Variants in RPS17 observed in about 807,000 individuals in gnomAD.
The protein encoded by RPS17 is small ribosomal subunit protein eS17.
For synonymous variants in RPS17, 75 were observed against 65.6 expected, an observed-to-expected ratio of 1.14 and a Z score of -0.70; for missense variants, 68 against 182.3, an observed-to-expected ratio of 0.37 and a Z score of 3.61.
At chr15:82,538,512 T>C in intron 3 of RPS17, 141 bp from the exon 4 acceptor site, 1 of 917,620 alleles carries the variant, frequency 1.1e-6, no homozygotes, top group South Asian at 1.4e-5. Context: ...AGCAGTCTCT[T>C]ACAGTATTAC....
chr15:82,538,046 T>A, intron 4 of RPS17: 1 of 535,064 alleles, frequency 1.9e-6, no homozygotes, highest in South Asian at 1.5e-5. Flanking sequence ...AAGCCAGCTA[T>A]AAAACCAAGA....
chr15:82,539,903 G>C (rs1288983728), intron 2 of RPS17, 78 bp downstream of exon 2: 1 of 1,608,782 alleles, frequency 6.2e-7, no homozygotes, highest in Non-Finnish European at 8.5e-7. Context: ...CCAAGGCACC[G>C]TCTCTTCCCG....
chr15:82,540,328 C>G, intron 1 of RPS17, 98 bp downstream of exon 1: 1 of 1,580,328 alleles, frequency 6.3e-7, no homozygotes, highest in Non-Finnish European at 8.6e-7. Context: ...GGGCTCTGCG[C>G]CTTCCCGGCC....
At chr15:82,537,171 A>G (rs900672485) in intron 4 of RPS17, 39 of 512,918 alleles carry the variant, frequency 7.6e-5, no homozygotes, top group Non-Finnish European at 1.4e-4. Flanking sequence ...AATCACTCTA[A>G]AACACCGTTT....
intron 4 of RPS17, chr15:82,537,757 T>C: frequency 2.3e-6 from 1 of 427,414 alleles, no homozygotes; most frequent in Admixed American, 2.6e-5. Flanking sequence ...CTTAAACATT[T>C]AATGACCATA....
chr15:82,539,496 T>C, intron 2 of RPS17: 1 of 458,150 alleles, frequency 2.2e-6, no homozygotes, highest in South Asian at 1.5e-5. Flanking sequence ...GAGACCAGCC[T>C]GGTCAACATT....
intron 2 of RPS17, 173 bp downstream of exon 2, chr15:82,539,808 G>A (rs2034312442): frequency 3.4e-6 from 4 of 1,193,098 alleles, no homozygotes; most frequent in African/African-American, 3.0e-5. Context: ...TCATGACACA[G>A]GCCTAAGTTC....
Position 82,540,244 on chromosome 15 carries a change from G to T in RPS17, c.4-112C>A, listed in dbSNP as rs1005915150. 5.0e-6 allele frequency: 8 copies of T among 1,607,780 alleles called. No individual in the cohort carries two copies. The African/African-American group carries it at 1.1e-4, about 22-fold the overall frequency. On this transcript the variant is annotated intron_variant, in intron 1 of 4. Transcript: ENST00000647841. ...GGACCGCCGGCTGCGCTGAGCCGGA[G>T]AGGGCCCGGCTAAACAGTGCCGGGC...
chr15:82,536,903 A>G, intron 4 of RPS17, 22 bp from the exon 5 acceptor site: 1 of 1,613,870 alleles, frequency 6.2e-7, no homozygotes, highest in Non-Finnish European at 8.5e-7. Flanking sequence ...AAATGGATTC[A>G]GTGAGCAGTT....
intron 3 of RPS17, 127 bp from the exon 4 acceptor site, chr15:82,538,498 G>T: frequency 9.2e-7 from 1 of 1,084,438 alleles, no homozygotes; most frequent in Non-Finnish European, 1.4e-6. Flanking sequence ...CCTCTCACAA[G>T]GTGAGCAGTC....
Position 82,539,929 on chromosome 15 carries a change from G to C in RPS17, c.155+52C>G, listed in dbSNP as rs1304431127. On this transcript the variant is annotated intron_variant, in intron 2 of 4. Coordinates refer to ENST00000647841, the MANE Select transcript of RPS17 (RefSeq NM_001021.6). ...TCTCTTCCCGAGTCGGAGGGCGGCA[G>C]AGCACACAAACAGATCGCGGAGCCC... 4 of 1,611,692 alleles carry C rather than the reference G, an allele frequency of 2.5e-6. No individual in the cohort carries two copies. In the African/African-American group the frequency reaches 4.0e-5, roughly 16 times the overall value.
intron 2 of RPS17, 65 bp downstream of exon 2, chr15:82,539,916 T>C: frequency 6.2e-7 from 1 of 1,610,828 alleles, no homozygotes; most frequent in Non-Finnish European, 8.5e-7. Context: ...TCTTCCCGAG[T>C]CGGAGGGCGG....
intron 4 of RPS17, 151 bp from the exon 5 acceptor site, chr15:82,537,032 G>A (rs1249355527): frequency 1.3e-6 from 1 of 779,204 alleles, no homozygotes; most frequent in Non-Finnish European, 2.3e-6. Context: ...GGTTCTCAAT[G>A]CCTCCCACTT....
chr15:82,539,860 G>A lies in RPS17; in HGVS notation c.155+121C>T, dbSNP rs1385236146. ...ACACGCAGAGCTCTAGCCCTTCTCCGGGACACCAGGGAGTCTCAGGCTAAC... is the reference window on the plus strand; with the variant it reads ...ACACGCAGAGCTCTAGCCCTTCTCCAGGACACCAGGGAGTCTCAGGCTAAC... On this transcript the variant is annotated intron_variant, in intron 2 of 4. Coordinates refer to ENST00000647841, the MANE Select transcript of RPS17 (RefSeq NM_001021.6). 5 of 1,504,508 alleles carry A rather than the reference G, an allele frequency of 3.3e-6. No individual in the cohort carries two copies. In the African/African-American group the frequency reaches 5.5e-5, roughly 17 times the overall value. 93.2% of individuals were successfully genotyped at this position (1,504,508 alleles called of 1,614,324 possible).
Position 82,536,928 on chromosome 15 carries a change from T to C in RPS17, c.328-47A>G, listed in dbSNP as rs1032127003. The C allele has an allele frequency of 3.9e-5, 62 of 1,609,182 alleles. No individual in the cohort carries two copies. The African/African-American group carries it at 6.5e-4, about 17-fold the overall frequency. On this transcript the variant is annotated intron_variant, in intron 4 of 4. Coordinates refer to ENST00000647841, the MANE Select transcript of RPS17 (RefSeq NM_001021.6). ...AGTGAGCAGTTACTGGTGAGATCTG[T>C]GAGTGGACCCCAGAAGAAAACACAG...
intron 2 of RPS17, chr15:82,539,734 C>A: frequency 1.5e-6 from 1 of 649,490 alleles, no homozygotes. Context: ...CAACTAAAAG[C>A]AACGTAGCTT....
In RPS17 at chr15:82,536,973, T is replaced by C. The variant is rs2034250299; in HGVS notation, c.328-92A>G. On this transcript the variant is annotated intron_variant, in intron 4 of 4. Transcript: ENST00000647841. Reference sequence around the variant, plus strand: ...ACACAGGCCCCTAGAGCCACAGCACTCTCAAGGGGGTCCAGAGGCGACCTG... The same window carrying C: ...ACACAGGCCCCTAGAGCCACAGCACCCTCAAGGGGGTCCAGAGGCGACCTG... 3 of 1,498,684 alleles carry C rather than the reference T, an allele frequency of 2.0e-6. No individual in the cohort carries two copies. The East Asian group carries it at 6.8e-5, about 34-fold the overall frequency. The allele number at this position is 1,498,684 out of a possible 1,614,324, so 92.8% of individuals were successfully genotyped here. A position where few individuals can be genotyped will look rare whatever the true frequency, so the allele number is the denominator to read the frequency against.
rs946879838 is a variant in RPS17 at position 82,540,405 on chromosome 15, G to A, written c.3+21C>T. ...TGGGGGACGATTGTGGAGGATGGCG[G>A]CCTCGAGCCAAAACACCTACCATGT... On this transcript the variant is annotated intron_variant, in intron 1 of 4. Coordinates refer to ENST00000647841, the MANE Select transcript of RPS17 (RefSeq NM_001021.6). The A allele has an allele frequency of 3.8e-6, 6 of 1,593,162 alleles. No homozygotes were observed. The African/African-American group carries it at 4.0e-5, about 11-fold the overall frequency.
intron 4 of RPS17, chr15:82,538,100 A>C (rs2034273132): frequency 3.1e-6 from 2 of 635,804 alleles, no homozygotes; most frequent in Non-Finnish European, 6.0e-6. Context: ...AAGCCACTAG[A>C]TTTGGGAATC....
Sources: gnomAD v4.1 joint callset for allele counts on GRCh38, gnomAD v4.1.1 for gene constraint, MANE v1.5 for transcripts, NCBI Gene and HGNC (gene_info 2026-07-23, HGNC 2026-07-21) for gene names.